PAK1: variants seen among roughly 807,000 people sequenced by gnomAD.
PAK1 encodes p21 (RAC1) activated kinase 1.
A neutral mutation model predicts 67.4 loss-of-function variants in PAK1; 29 were observed. The ratio of observed to expected loss-of-function variants is 0.43; its 90% confidence interval spans 0.32 to 0.59. PAK1 has a LOEUF of 0.59. Among genes scored for constraint, PAK1 ranks in the 20% least tolerant of loss-of-function variants. The pLI is 0.07. For synonymous variants in PAK1, 223 were observed against 237.4 expected, an observed-to-expected ratio of 0.94 and a Z score of 0.56; for missense variants, 337 against 670.7, an observed-to-expected ratio of 0.50 and a Z score of 5.50.
chr11:77,466,756 C>T (rs773429969), intron 1 of PAK1, among the ~76,000 whole-genome samples: 2 of 152,092 alleles, frequency 1.3e-5, no homozygotes, highest in East Asian at 1.9e-4. Context: ...CCTACCACAC[C>T]GCAAAAGTCT....
intron 1 of PAK1, among the ~76,000 whole-genome samples, chr11:77,395,366 A>G (rs1951699074): frequency 6.6e-6 from 1 of 152,212 alleles, no homozygotes; most frequent in Admixed American, 6.5e-5. Context: ...TGCTTTATAT[A>G]GTATCTAGCT....
At position 77,355,796 on chromosome 11, in the gene PAK1, C is replaced by T. The variant is rs201772083; in HGVS notation, c.644G>A (p.Arg215Gln). 1.4e-5 allele frequency: 22 copies of T among 1,613,530 alleles called. No homozygotes were observed. Among genetic ancestry groups the T allele is most frequent in the Non-Finnish European group, 1.9e-5 (22 of 1,179,638 alleles). The change falls in exon 7 of 15, where the codon CGG becomes CAG. Residue 215 changes from arginine to glutamine, a missense_variant. This residue lies in a region of PAK1 where 150 missense variants were observed against 179.0 expected (regional missense o/e 0.84). Transcript: ENST00000356341. ...VIEPLPVTPTRDVATSPISPT... is the reference protein window; with the variant it reads ...VIEPLPVTPTQDVATSPISPT... ...TGAAATGGGAGATGTAGCCACGTCC[C>T]GAGTTGGAGTGACAGGAAGTGGTTC...
intron 1 of PAK1, among the ~76,000 whole-genome samples, chr11:77,457,031 G>A (rs747793250): frequency 3.3e-5 from 5 of 152,050 alleles, no homozygotes; most frequent in East Asian, 3.9e-4. Context: ...ATGAACTGCC[G>A]CACCCAGCCA....
intron 7 of PAK1, among the ~76,000 whole-genome samples, chr11:77,354,289 G>A (rs547779671): frequency 2.6e-5 from 4 of 152,146 alleles, no homozygotes; most frequent in Non-Finnish European, 5.9e-5. Flanking sequence ...TGGTGTCAGA[G>A]CTAAGATTAG....
At chr11:77,499,153 A>C in the PAK1 span, among the ~76,000 whole-genome samples, 1 of 151,348 alleles carries the variant, frequency 6.6e-6, no homozygotes, top group South Asian at 2.1e-4. Context: ...AAAAAAGAGA[A>C]GGATAATTTT....
At chr11:77,498,691 ATTTTTTTTTTT>A in the PAK1 span, among the ~76,000 whole-genome samples, 10 of 72,052 alleles carry the variant, frequency 1.4e-4, no homozygotes, top group African/African-American at 1.5e-4. Context: ...CTTGCTTGTA[ATTTTTTTTTTT>A]TTTTTTTTTT....
intron 1 of PAK1, among the ~76,000 whole-genome samples, chr11:77,432,311 C>T (rs904956233): frequency 6.6e-6 from 1 of 152,002 alleles, no homozygotes; most frequent in Non-Finnish European, 1.5e-5. Context: ...ATAAAGGCAT[C>T]TATGAAAAAC....
chr11:77,490,992 G>C, the PAK1 span, among the ~76,000 whole-genome samples: 1 of 152,174 alleles, frequency 6.6e-6, no homozygotes, highest in Non-Finnish European at 1.5e-5. Context: ...CAAACACTGC[G>C]GAAGGCCGAA....
At chr11:77,479,704 C>A in the PAK1 span, among the ~76,000 whole-genome samples, 2 of 144,212 alleles carry the variant, frequency 1.4e-5, no homozygotes, top group African/African-American at 5.2e-5. Context: ...GTCTCCTGGG[C>A]TCAAGCGATT....
At chr11:77,408,532 TACACACACACACACACACAC>T (rs377689850) in intron 1 of PAK1, among the ~76,000 whole-genome samples, 14 of 137,948 alleles carry the variant, frequency 1.0e-4, no homozygotes, top group East Asian at 4.4e-4. Flanking sequence ...TATGGAGAAA[TACACACACACACACACACAC>T]ACACACACAC....
chr11:77,408,432 GAA>G (rs1207311896), intron 1 of PAK1, among the ~76,000 whole-genome samples: 2 of 151,246 alleles, frequency 1.3e-5, no homozygotes, highest in Non-Finnish European at 2.9e-5. Context: ...AAAAGAAAAA[GAA>G]AAAGACAGGC....
At chr11:77,516,838 C>CAA in the PAK1 span, among the ~76,000 whole-genome samples, 996 of 95,188 alleles carry the variant, frequency 0.01, 27 homozygotes, top group African/African-American at 0.024. Context: ...CCCCATCTCT[C>CAA]AAAAAAAAAA....
intron 5 of PAK1, among the ~76,000 whole-genome samples, chr11:77,369,628 A>G (rs1444442985): frequency 6.6e-6 from 1 of 151,374 alleles, no homozygotes; most frequent in Non-Finnish European, 1.5e-5. Flanking sequence ...TTATATTTTT[A>G]GTAGAGATGG....
At chr11:77,474,215 C>CGCGGCGGCG (rs547403363), upstream of PAK1, 1 of 151,276 alleles carries the variant, frequency 6.6e-6, no homozygotes, top group African/African-American at 2.4e-5. Context: ...CCCTCCCCGG[C>CGCGGCGGCG]GCGGCGGCGG....
At chr11:77,334,185 TAAAAATAA>T (rs1311319519) in intron 13 of PAK1, among the ~76,000 whole-genome samples, 58 of 146,150 alleles carry the variant, frequency 4.0e-4, no homozygotes, top group African/African-American at 1.3e-3. Context: ...AAAAATAAAA[TAAAAATAA>T]AAAAATAAAA....
At chr11:77,501,452 C>T in the PAK1 span, among the ~76,000 whole-genome samples, 1 of 152,124 alleles carries the variant, frequency 6.6e-6, no homozygotes, top group Non-Finnish European at 1.5e-5. Flanking sequence ...TCACTGAATT[C>T]GACCCCTCTT....
intron 1 of PAK1, among the ~76,000 whole-genome samples, chr11:77,454,294 TC>T (rs5792770): frequency 0.049 from 7,412 of 152,196 alleles, 643 homozygotes; most frequent in African/African-American, 0.17. Flanking sequence ...AAACTCTGGC[TC>T]CAAGTTCAAT....
rs1165361027 is a variant in PAK1, at chr11:77,406,787, A to C, written c.-21-14246T>G. On this transcript the variant is annotated intron_variant, in intron 1 of 14. Transcript: ENST00000356341. ...CAGACAGAGATACGATTTCAAAGGA[A>C]AAAAAAGAGTAGACACCCAGTATCA... 2.0e-5 allele frequency among the ~76,000 whole-genome samples: 3 copies of C among 152,106 alleles called. No individual in the cohort carries two copies. In the East Asian group the frequency reaches 5.8e-4, roughly 29 times the overall value.
chr11:77,410,586 G>C (rs2138006431), intron 1 of PAK1, among the ~76,000 whole-genome samples: 1 of 152,038 alleles, frequency 6.6e-6, no homozygotes, highest in African/African-American at 2.4e-5. Context: ...AATCAAGAGG[G>C]GGAGGATCCA....
Sources: allele counts gnomAD v4.1 joint callset (sites outside exome capture counted in the v4.1 genomes callset), GRCh38; gene constraint gnomAD v4.1.1; regional missense constraint gnomAD v4.1.1; transcripts MANE v1.5; gene names NCBI Gene and HGNC (gene_info 2026-07-23, HGNC 2026-07-21).